The following UGT2A1 variants were observed in gnomAD, a reference collection of about 807,000 sequenced individuals.
UGT2A1 encodes UDP glucuronosyltransferase family 2 member A1 complex locus.
UGT2A1 carries 61 observed loss-of-function variants against 45.4 expected under a neutral mutation model. The ratio of observed to expected loss-of-function variants is 1.34; its 90% CI spans 1.09 to 1.66. The LOEUF (loss-of-function observed/expected upper bound fraction) is 1.66. Among genes scored for constraint, UGT2A1 ranks in the 40% most tolerant of loss-of-function variants. The pLI, the probability that UGT2A1 is intolerant of heterozygous loss-of-function variation, is 0.00. For missense variants in UGT2A1, 649 were observed against 574.3 expected (o/e 1.13, Z -1.33); for synonymous variants, 229 against 196.2 (o/e 1.17, Z -1.40).
At chr4:69,639,695 AT>A (rs2109970133) in intron 2 of UGT2A1, 1 of 1,467,458 alleles carries the variant, frequency 6.8e-7, no homozygotes, top group African/African-American at 1.4e-5. Flanking sequence ...ATTTAGGTCA[AT>A]TTTTAAATAA....
chr4:69,596,194 G>T (rs1341365976), intron 4 of UGT2A1: 10 of 1,425,438 alleles, frequency 7.0e-6, no homozygotes, highest in Non-Finnish European at 9.2e-6. Flanking sequence ...ATTACTAGCT[G>T]CATTGTCTCT....
chr4:69,652,094 C>G (rs932972327), intron 1 of UGT2A1, among the ~76,000 whole-genome samples: 2 of 152,240 alleles, frequency 1.3e-5, no homozygotes, highest in Non-Finnish European at 2.9e-5. Flanking sequence ...TGATGCCCCC[C>G]AGTCAAATTC....
chr4:69,618,559 T>C (rs944233463), intron 3 of UGT2A1, among the ~76,000 whole-genome samples: 1 of 151,998 alleles, frequency 6.6e-6, no homozygotes, highest in African/African-American at 2.4e-5. Flanking sequence ...ACAGACCATA[T>C]TAATAATATT....
chr4:69,650,108 C>T (rs574653094), intron 1 of UGT2A1, among the ~76,000 whole-genome samples: 2 of 152,228 alleles, frequency 1.3e-5, no homozygotes, highest in Admixed American at 6.6e-5. Context: ...TCCCCTTTCA[C>T]TTATTAAACT....
chr4:69,639,780 T>C (rs1721953030), intron 2 of UGT2A1: 2 of 838,700 alleles, frequency 2.4e-6, no homozygotes, highest in Non-Finnish European at 3.4e-6. Flanking sequence ...AATAATATAA[T>C]TCAAATTCCT....
chr4:69,645,255 C>T (rs528645006), intron 2 of UGT2A1, among the ~76,000 whole-genome samples: 42 of 151,828 alleles, frequency 2.8e-4, no homozygotes, highest in Non-Finnish European at 4.9e-4. Context: ...TACTGGATTT[C>T]GCCAAATATT....
intron 2 of UGT2A1, chr4:69,638,800 C>T (rs1445789399): frequency 2.4e-5 from 33 of 1,383,860 alleles, no homozygotes; most frequent in Non-Finnish European, 3.1e-5. Context: ...CCATTATCTT[C>T]AGCTCAGCAT....
chr4:69,651,887 C>G (rs145181000), intron 1 of UGT2A1, among the ~76,000 whole-genome samples: 24 of 152,284 alleles, frequency 1.6e-4, no homozygotes, highest in African/African-American at 5.8e-4. Context: ...AAGGGCACTG[C>G]ACATGTGGGC....
At chr4:69,624,743 A>G (rs575217058) in intron 3 of UGT2A1, among the ~76,000 whole-genome samples, 9 of 151,384 alleles carry the variant, frequency 5.9e-5, no homozygotes, top group Non-Finnish European at 1.3e-4. Context: ...TTGTTGCCAT[A>G]CAGTTTACTT....
At chr4:69,628,357 A>G (rs1318580894) in intron 3 of UGT2A1, among the ~76,000 whole-genome samples, 1 of 151,924 alleles carries the variant, frequency 6.6e-6, no homozygotes, top group South Asian at 2.1e-4. Flanking sequence ...TAGTTTCAAA[A>G]TACACTACAA....
Position 69,591,902 on chromosome 4 carries a change from G to A in UGT2A1, c.1305-2251C>T, listed in dbSNP as rs529432188. Among the ~76,000 whole-genome samples, 5 of 152,250 alleles carry A rather than the reference G, an allele frequency of 3.3e-5. No homozygotes were observed. In the East Asian group the frequency reaches 9.6e-4, roughly 29 times the overall value. Reference sequence around the variant, plus strand: ...TCAAAAAAAGATCATACTGAGCCTTGCTGAAGCTCCTAACCCACCACTTAG... The same window carrying A: ...TCAAAAAAAGATCATACTGAGCCTTACTGAAGCTCCTAACCCACCACTTAG... On this transcript the variant is annotated intron_variant, in intron 6 of 6. Transcript: ENST00000286604.
In UGT2A1 at chr4:69,599,413, G is replaced by A; in HGVS notation, c.848-19C>T. The A allele has an allele frequency of 6.2e-7, 1 of 1,610,298 alleles. No individual in the cohort carries two copies. On this transcript the variant is annotated intron_variant, in intron 3 of 6. Coordinates refer to ENST00000286604, the MANE Select transcript of UGT2A1 (RefSeq NM_001252275.3). ...GGTCTTCCTGGAGAAAATGTAACAA[G>A]TTGGATGGAGGAAATTAGCTTATAT...
chr4:69,636,372 G>T (rs1276533291), intron 2 of UGT2A1, among the ~76,000 whole-genome samples: 1 of 152,024 alleles, frequency 6.6e-6, no homozygotes, highest in African/African-American at 2.4e-5. Context: ...AATACAAAAT[G>T]GGGTTTTACC....
chr4:69,652,799 T>C (rs2109987032), intron 1 of UGT2A1, among the ~76,000 whole-genome samples: 1 of 152,314 alleles, frequency 6.6e-6, no homozygotes. Flanking sequence ...ATTATTCTTG[T>C]CTTCACCATA....
intron 3 of UGT2A1, among the ~76,000 whole-genome samples, chr4:69,615,304 T>A (rs1246217665): frequency 4.6e-5 from 7 of 152,046 alleles, no homozygotes; most frequent in African/African-American, 1.4e-4. Context: ...AAGACAATGT[T>A]CTGGGCAGAT....
chr4:69,625,590 G>T (rs1212930133), intron 3 of UGT2A1, among the ~76,000 whole-genome samples: 1 of 150,826 alleles, frequency 6.6e-6, no homozygotes, highest in Non-Finnish European at 1.5e-5. Context: ...TTCATCTCTG[G>T]TAGTTTAATG....
At chr4:69,596,151 T>C (rs975281501) in intron 4 of UGT2A1, 75 of 1,358,860 alleles carry the variant, frequency 5.5e-5, no homozygotes, top group Admixed American at 1.7e-4. Context: ...ATACTCAGTG[T>C]ATAATGAGTT....
intron 3 of UGT2A1, among the ~76,000 whole-genome samples, chr4:69,623,726 T>C (rs1720885176): frequency 6.6e-6 from 1 of 151,264 alleles, no homozygotes; most frequent in Non-Finnish European, 1.5e-5. Context: ...CATCTCAAGT[T>C]AGTGTAAAAT....
In UGT2A1 at chr4:69,603,865, G is replaced by A. The variant is rs1002907929; in HGVS notation, c.848-4471C>T. Among the ~76,000 whole-genome samples, 27 of 136,084 alleles carry A rather than the reference G, an allele frequency of 2.0e-4. 1 individual carries two copies. The highest frequency in any genetic ancestry group is 3.4e-4 in the Non-Finnish European group (22 of 64,142). The allele number at this position is 136,084 out of a possible 152,430, so 89.3% of individuals were successfully genotyped here. ...AATGAAGCGAGAAGAGAAGTTTAGAGAAAAAAGAATAAAAAGAAACGAACA... is the reference window on the plus strand; with the variant it reads ...AATGAAGCGAGAAGAGAAGTTTAGAAAAAAAAGAATAAAAAGAAACGAACA... On this transcript the variant is annotated intron_variant, in intron 3 of 6. Coordinates refer to ENST00000286604, the MANE Select transcript of UGT2A1 (RefSeq NM_001252275.3).
Sources: allele counts gnomAD v4.1 joint callset (sites outside exome capture counted in the v4.1 genomes callset), GRCh38; gene constraint gnomAD v4.1.1; transcripts MANE v1.5; gene names NCBI Gene and HGNC (gene_info 2026-07-23, HGNC 2026-07-21).